The following DLG2 variants were observed in gnomAD, a reference collection of about 807,000 sequenced individuals.
DLG2 encodes disks large homolog 2.
A neutral mutation model predicts 132.5 loss-of-function variants in DLG2; 45 were observed. The observed-to-expected ratio is 0.34, with a 90% CI of 0.27 to 0.44. The LOEUF is 0.44. Among genes scored for constraint, DLG2 ranks in the 20% least tolerant of loss-of-function variants. The pLI, the probability that DLG2 is intolerant of heterozygous loss-of-function variation, is 1.00. For missense variants in DLG2, 1,045 were observed against 1,196.9 expected (o/e 0.87, Z 1.87); for synonymous variants, 424 against 419.6 (o/e 1.01, Z -0.13).
intron 3 of DLG2, among the ~76,000 whole-genome samples, chr11:85,484,431 A>G (rs1316612589): frequency 1.3e-5 from 2 of 151,526 alleles, no homozygotes; most frequent in East Asian, 3.9e-4. Flanking sequence ...AAAATGGGAG[A>G]AAATATTCGC....
rs1345354119 is a variant in DLG2 at position 83,608,646 on chromosome 11, C to T, written c.1940+24565G>A. Among the ~76,000 whole-genome samples the T allele has an allele frequency of 2.0e-5, 3 of 151,842 alleles. No individual in the cohort carries two copies. In the East Asian group the frequency reaches 5.8e-4, roughly 29 times the overall value. ...TGCACTATTGAAAAGTTGAAAAATC[C>T]TATGTCAAGCCATCATAAATCAGGA... On this transcript the variant is annotated intron_variant, in intron 19 of 27. Transcript: ENST00000376104.
chr11:85,466,399 G>T (rs1432196780), intron 3 of DLG2, among the ~76,000 whole-genome samples: 1 of 152,132 alleles, frequency 6.6e-6, no homozygotes, highest in Admixed American at 6.6e-5. Context: ...CCTATGTCCT[G>T]AATGGTATTG....
intron 6 of DLG2, among the ~76,000 whole-genome samples, chr11:84,786,860 C>T (rs2072982489): frequency 6.6e-6 from 1 of 152,198 alleles, no homozygotes; most frequent in African/African-American, 2.4e-5. Flanking sequence ...AAGCTCTCCT[C>T]TTTGTCTAGA....
intron 12 of DLG2, among the ~76,000 whole-genome samples, chr11:83,973,679 C>A (rs1441305391): frequency 2.0e-5 from 3 of 151,848 alleles, no homozygotes; most frequent in African/African-American, 7.3e-5. Flanking sequence ...AACCCGGCTG[C>A]ACATTAAAAT....
intron 4 of DLG2, among the ~76,000 whole-genome samples, chr11:85,203,319 A>C (rs888019435): frequency 6.6e-5 from 10 of 151,868 alleles, no homozygotes; most frequent in Non-Finnish European, 1.5e-4. Flanking sequence ...GAGCCATATA[A>C]ACAAAATGAG....
intron 7 of DLG2, chr11:84,317,442 A>G: frequency 9.3e-7 from 1 of 1,070,636 alleles, no homozygotes; most frequent in Non-Finnish European, 1.2e-6. Flanking sequence ...GCTGGGCTAC[A>G]AGACTGTACA....
chr11:85,339,955 G>T (rs1431226578), intron 3 of DLG2, among the ~76,000 whole-genome samples: 1 of 152,214 alleles, frequency 6.6e-6, no homozygotes, highest in Non-Finnish European at 1.5e-5. Flanking sequence ...TCTCACGCCA[G>T]TTAGAATGGA....
chr11:83,947,701 A>G (rs1415783352), intron 14 of DLG2, among the ~76,000 whole-genome samples: 1 of 152,186 alleles, frequency 6.6e-6, no homozygotes, highest in African/African-American at 2.4e-5. Flanking sequence ...AACCCGTGGC[A>G]TAGGCATGGA....
chr11:85,367,778 G>A (rs1319232445), intron 3 of DLG2, among the ~76,000 whole-genome samples: 1 of 152,054 alleles, frequency 6.6e-6, no homozygotes, highest in Non-Finnish European at 1.5e-5. Context: ...ACAAATGTGA[G>A]CTATTACTAT....
At chr11:83,916,824 G>T (rs1419968235) in intron 15 of DLG2, among the ~76,000 whole-genome samples, 1 of 152,108 alleles carries the variant, frequency 6.6e-6, no homozygotes. Context: ...GGTAGATTGT[G>T]TTTAGCTGAA....
intron 2 of DLG2, among the ~76,000 whole-genome samples, chr11:85,617,678 G>C (rs1265380311): frequency 6.6e-6 from 1 of 152,148 alleles, no homozygotes; most frequent in Non-Finnish European, 1.5e-5. Context: ...ATATACACCA[G>C]TTTACCTTTT....
intron 17 of DLG2, among the ~76,000 whole-genome samples, chr11:83,825,324 G>A (rs1211264797): frequency 6.6e-6 from 1 of 151,286 alleles, no homozygotes; most frequent in Non-Finnish European, 1.5e-5. Context: ...TGGGATTATA[G>A]GCATGCACCA....
chr11:84,513,047 A>C (rs2099261725), intron 7 of DLG2, among the ~76,000 whole-genome samples: 1 of 152,044 alleles, frequency 6.6e-6, no homozygotes. Context: ...GCGGGGCTTA[A>C]AACCTAGATT....
chr11:84,826,501 C>G (rs2078343156), intron 6 of DLG2, among the ~76,000 whole-genome samples: 2 of 151,882 alleles, frequency 1.3e-5, no homozygotes, highest in African/African-American at 4.8e-5. Context: ...GCCAAACAAA[C>G]AACTGCAATT....
intron 18 of DLG2, among the ~76,000 whole-genome samples, chr11:83,741,459 C>A (rs1172689570): frequency 6.6e-6 from 1 of 152,142 alleles, no homozygotes; most frequent in Non-Finnish European, 1.5e-5. Context: ...AGTAAAGTTT[C>A]AGGATACAAA....
chr11:84,665,539 CA>C (rs1408122697), intron 6 of DLG2, among the ~76,000 whole-genome samples: 2 of 152,118 alleles, frequency 1.3e-5, no homozygotes, highest in Non-Finnish European at 2.9e-5. Flanking sequence ...AGTCCTTTCT[CA>C]CTTAGAAAAC....
At chr11:84,884,370 C>T (rs901557245) in intron 6 of DLG2, among the ~76,000 whole-genome samples, 9 of 151,948 alleles carry the variant, frequency 5.9e-5, no homozygotes, top group Non-Finnish European at 1.3e-4. Flanking sequence ...TAAGTAACCA[C>T]TAAATTCTGA....
chr11:85,081,035 T>G (rs1009060694), intron 6 of DLG2, among the ~76,000 whole-genome samples: 3 of 152,160 alleles, frequency 2.0e-5, no homozygotes, highest in Non-Finnish European at 4.4e-5. Context: ...CTTTTAAAGT[T>G]TAGTTGATTT....
At chr11:84,961,155 T>C (rs2052506273) in intron 6 of DLG2, among the ~76,000 whole-genome samples, 1 of 150,978 alleles carries the variant, frequency 6.6e-6, no homozygotes, top group Non-Finnish European at 1.5e-5. Flanking sequence ...AGGACTTCAG[T>C]GGTCTTCTGC....
Sources: gnomAD v4.1 joint callset for allele counts (sites outside exome capture counted in the v4.1 genomes callset) on GRCh38, gnomAD v4.1.1 for gene constraint, MANE v1.5 for transcripts, NCBI Gene and HGNC (gene_info 2026-07-23, HGNC 2026-07-21) for gene names.